The following SPAG5 variants were observed in gnomAD, a reference collection of about 807,000 sequenced individuals.
SPAG5 encodes the protein sperm-associated antigen 5.
A neutral mutation model predicts 145.4 loss-of-function variants in SPAG5; 99 were observed. The ratio of observed to expected loss-of-function variants is 0.68; its 90% CI spans 0.58 to 0.80. The LOEUF is 0.80. Ranked by LOEUF, SPAG5 falls within the 30% of genes least tolerant of loss-of-function variation. SPAG5 has a pLI of 0.00. For missense variants in SPAG5, 1,192 were observed against 1,416.0 expected, an observed-to-expected ratio of 0.84 and a Z score of 2.54; for synonymous variants, 477 against 525.4, an observed-to-expected ratio of 0.91 and a Z score of 1.26.
At chr17:28,595,219 C>T (rs2070654433) in intron 2 of SPAG5, among the ~76,000 whole-genome samples, 1 of 146,380 alleles carries the variant, frequency 6.8e-6, no homozygotes, top group African/African-American at 2.5e-5. Context: ...GATCGCGGCA[C>T]TGCACTCCAA....
Position 28,584,388 on chromosome 17 carries a change from T to C in SPAG5, c.2254A>G (p.Met752Val). ...QHTHCAQDLA[M>V]KDELLCQLTQ... ...AGCTGGCAGAGTAACTCATCCTTCA[T>C]AGCCAGGTCCTGGGCACAATGGGTA... Residue 752 changes from methionine (M) to valine (V), a missense_variant, in exon 12 of 24, where the codon ATG (methionine) becomes GTG (valine). This residue lies in a region of SPAG5 where 709 missense variants were observed against 840.7 expected (regional missense o/e 0.84). Transcript: ENST00000321765. 1.2e-6 allele frequency: 2 copies of C among 1,614,238 alleles called. No homozygotes were observed. Among genetic ancestry groups the C allele is most frequent in the South Asian group, 1.1e-5 (1 of 91,086 alleles).
chr17:28,578,210 A>G lies in SPAG5; in HGVS notation c.3429+8T>C, dbSNP rs2070520500. 6.2e-7 allele frequency: 1 copy of G among 1,614,128 alleles called. No individual in the cohort carries two copies. The highest frequency in any genetic ancestry group is 8.5e-7 in the Non-Finnish European group (1 of 1,179,970). On this transcript the variant is annotated splice_region_variant and intron_variant, in intron 22 of 23. Coordinates refer to ENST00000321765, the MANE Select transcript of SPAG5 (RefSeq NM_006461.4). ...GAAATGGCCCTGGAATGGCATGGAC[A>G]TTCTTACATGGCTCTGGAACTTGAT...
In SPAG5 at chr17:28,582,178, C is replaced by A. The variant is rs138305579; in HGVS notation, c.2685+1333G>T. 1.9e-4 allele frequency among the ~76,000 whole-genome samples: 29 copies of A among 152,336 alleles called. No individual in the cohort carries two copies. The East Asian group carries it at 3.3e-3, about 17-fold the overall frequency. ...TTGTCTCCTGCCTTGCCCCACAGAG[C>A]TCTCACGCTGCAGCCATGAAGAGCT... On this transcript the variant is annotated intron_variant, in intron 15 of 23. Transcript: ENST00000321765.
At chr17:28,582,823 G>A (rs1641972272) in intron 15 of SPAG5, 1 of 152,196 alleles carries the variant, frequency 6.6e-6, no homozygotes, top group Admixed American at 6.5e-5. Flanking sequence ...ACATAGTCTG[G>A]TTGAAGAGAC....
chr17:28,584,312 A>C, intron 12 of SPAG5, 21 bp downstream of exon 12: 1 of 1,614,080 alleles, frequency 6.2e-7, no homozygotes, highest in Non-Finnish European at 8.5e-7. Context: ...CTACTGCCAC[A>C]GTACCCCGTT....
intron 4 of SPAG5, among the ~76,000 whole-genome samples, chr17:28,587,345 G>A (rs571506957): frequency 2.0e-5 from 3 of 151,500 alleles, no homozygotes; most frequent in South Asian, 2.1e-4. Flanking sequence ...TCGGGAGTTC[G>A]AGACCAGCCT....
rs111723186 is a variant in SPAG5, at chr17:28,579,189, T to C, written c.3069A>G (p.Lys1023=). 602 of 1,614,164 alleles carry C rather than the reference T, an allele frequency of 3.7e-4. 7 individuals carry two copies. The African/African-American group carries it at 4.5e-3, about 12-fold the overall frequency. The change falls in exon 19 of 24, where the codon AAA becomes AAG. Residue 1023 remains lysine, a synonymous_variant. Transcript: ENST00000321765. ...GGTTCAGCTTCTCTATGTCTGCTTCTTTTGCCTTCTGGACTTCCTGATGCT... is the reference window on the plus strand; with the variant it reads ...GGTTCAGCTTCTCTATGTCTGCTTCCTTTGCCTTCTGGACTTCCTGATGCT... The part of the protein sequence containing the change: ...EEQHQEVQKA[K]EADIEKLNQA...
intron 2 of SPAG5, among the ~76,000 whole-genome samples, chr17:28,594,204 G>A (rs944983717): frequency 6.6e-6 from 1 of 152,186 alleles, no homozygotes; most frequent in Admixed American, 6.5e-5. Flanking sequence ...GACTAGAAAA[G>A]ATACATGCTA....
chr17:28,579,420 A>C lies in SPAG5; in HGVS notation c.2950T>G (p.Cys984Gly). Residue 984 changes from cysteine (C) to glycine (G), a missense_variant, in exon 18 of 24, where the codon TGT becomes GGT. Transcript: ENST00000321765. ...SIMTTELQSL[C>G]SLLQESKEEA... is the part of the protein sequence containing the mutation. ...TCTTTAGACTCTTGTAGCAGGGAAC[A>C]AAGACTCTGAAGCTCAGTAGTCATA... 1 of 1,614,186 alleles carries C rather than the reference A, an allele frequency of 6.2e-7. No homozygotes were observed. The highest frequency in any genetic ancestry group is 2.2e-5 in the East Asian group (1 of 44,882).
rs1597595001 is a variant in SPAG5 at position 28,583,769 on chromosome 17, C to T, written c.2546+84G>A. 5 of 1,555,442 alleles carry T rather than the reference C, an allele frequency of 3.2e-6. No homozygotes were observed. The East Asian group carries it at 1.1e-4, about 35-fold the overall frequency. On this transcript the variant is annotated intron_variant, in intron 14 of 23. Coordinates refer to ENST00000321765, the MANE Select transcript of SPAG5 (RefSeq NM_006461.4). ...CAAGAGGCTCAACACTCACAGTTCTCTTCTTGGAGATTTTGGCTTCTAGAA... is the reference window on the plus strand; with the variant it reads ...CAAGAGGCTCAACACTCACAGTTCTTTTCTTGGAGATTTTGGCTTCTAGAA...
chr17:28,585,698 GC>G (rs748268881), intron 7 of SPAG5, 45 bp from the exon 8 acceptor site: 2 of 1,611,830 alleles, frequency 1.2e-6, no homozygotes, highest in East Asian at 2.2e-5. Context: ...CAACAGGGGA[GC>G]CAGCACAAAA....
Position 28,598,546 on chromosome 17 carries a change from G to C in SPAG5, c.141C>G (p.Ser47=). The C allele has an allele frequency of 6.2e-7, 1 of 1,613,894 alleles. No homozygotes were observed. Among genetic ancestry groups the C allele is most frequent in the African/African-American group, 1.3e-5 (1 of 75,018 alleles). ...TNSGKRSPAC[S]SLTPSLCKLG... is the part of the protein sequence containing the mutation. ...GCTTGCACAGTGATGGGGTCAGCGA[G>C]GAGCAAGCGGGGGATCTTTTTCCAG... is the stretch of plus-strand genomic sequence containing the variant. Residue 47 remains serine (S), a synonymous_variant, in exon 2 of 24, where the codon TCC becomes TCG. Coordinates refer to ENST00000321765, the MANE Select transcript of SPAG5 (RefSeq NM_006461.4).
intron 15 of SPAG5, chr17:28,582,706 T>C (rs1349874279): frequency 6.6e-6 from 1 of 152,250 alleles, no homozygotes; most frequent in Non-Finnish European, 1.5e-5. Flanking sequence ...TTGTGCCTTA[T>C]CTGCTGAATA....
At chr17:28,585,504 A>G (rs539314469) in intron 8 of SPAG5, 30 bp downstream of exon 8, 1 of 1,613,734 alleles carries the variant, frequency 6.2e-7, no homozygotes, top group South Asian at 1.1e-5. Flanking sequence ...GTCAGCACAG[A>G]CCCCAGGAAA....
rs1219326670 is a variant in SPAG5, at chr17:28,584,111, A to G, written c.2412+39T>C. 3.7e-6 allele frequency: 6 copies of G among 1,610,804 alleles called. No individual in the cohort carries two copies. In the Admixed American group the frequency reaches 1.0e-4, roughly 27 times the overall value. On this transcript the variant is annotated intron_variant, in intron 13 of 23. Transcript: ENST00000321765. ...CTATCAGGCAAGAATCACACTCCTG[A>G]GGCTTACCAGCTCCCTTGGCCCAAG...
rs781298136 is a variant in SPAG5, at chr17:28,577,662, G to A, written c.*37C>T. The A allele has an allele frequency of 4.6e-6, 7 of 1,514,980 alleles. No individual in the cohort carries two copies. Among genetic ancestry groups the A allele is most frequent in the Middle Eastern group, 3.4e-4 (2 of 5,878 alleles). 93.8% of individuals were successfully genotyped at this position (1,514,980 alleles called of 1,614,324 possible). A position where few individuals can be genotyped will look rare whatever the true frequency, so the allele number is the denominator to read the frequency against. ...GTATTGGGGTAAGGGGGTATTGCAGGTAAAAAGAGGTGAAGCAGATTCTGG... is the reference window on the plus strand; with the variant it reads ...GTATTGGGGTAAGGGGGTATTGCAGATAAAAAGAGGTGAAGCAGATTCTGG... On this transcript the variant is annotated 3_prime_UTR_variant, in exon 24 of 24. Coordinates refer to ENST00000321765, the MANE Select transcript of SPAG5 (RefSeq NM_006461.4).
chr17:28,579,587 A>G lies in SPAG5; in HGVS notation c.2885-102T>C, dbSNP rs1597593562. 3.5e-6 allele frequency: 5 copies of G among 1,445,598 alleles called. No homozygotes were observed. In the African/African-American group the frequency reaches 7.1e-5, roughly 20 times the overall value. The allele number at this position is 1,445,598 out of a possible 1,614,324, so 89.5% of individuals were successfully genotyped here. A position where few individuals can be genotyped will look rare whatever the true frequency, so the allele number is the denominator to read the frequency against. On this transcript the variant is annotated intron_variant, in intron 17 of 23. Coordinates refer to ENST00000321765, the MANE Select transcript of SPAG5 (RefSeq NM_006461.4). Reference sequence around the variant, plus strand: ...ACTCTTATCCGTGTTCCCCACCCACAGGATTTGAATGTCTGGAACATTACA... The same window carrying G: ...ACTCTTATCCGTGTTCCCCACCCACGGGATTTGAATGTCTGGAACATTACA...
At chr17:28,598,391 G>T in intron 2 of SPAG5, 119 bp downstream of exon 2, 1 of 1,260,768 alleles carries the variant, frequency 7.9e-7, no homozygotes, top group South Asian at 1.5e-5. Context: ...GTAAATGGAT[G>T]TCACCGACGT....
intron 2 of SPAG5, among the ~76,000 whole-genome samples, chr17:28,597,906 A>G (rs2070678759): frequency 6.6e-6 from 1 of 152,234 alleles, no homozygotes; most frequent in Non-Finnish European, 1.5e-5. Context: ...CTTCAGGAAG[A>G]CAATTTTTCC....
Sources: gnomAD v4.1 joint callset for allele counts (sites outside exome capture counted in the v4.1 genomes callset) on GRCh38, gnomAD v4.1.1 for gene constraint, gnomAD v4.1.1 regional missense constraint, MANE v1.5 for transcripts, NCBI Gene and HGNC (gene_info 2026-07-23, HGNC 2026-07-21) for gene names.